Variants in LONRF3 observed in about 807,000 individuals in gnomAD.
The protein encoded by LONRF3 is LON peptidase N-terminal domain and RING finger protein 3.
A neutral mutation model predicts 51.7 loss-of-function variants in LONRF3; 19 were observed. The observed-to-expected ratio is 0.37, with a 90% CI of 0.26 to 0.54. LONRF3 has a LOEUF of 0.54. Ranked by LOEUF, LONRF3 falls within the 20% of genes least tolerant of loss-of-function variation. LONRF3 has a pLI of 0.86. For synonymous variants in LONRF3, 265 were observed against 257.8 expected (o/e 1.03, Z -0.27); for missense variants, 521 against 623.9 (o/e 0.84, Z 1.76).
chrX:118,974,766 C>G lies in LONRF3; in HGVS notation c.-15C>G. On this transcript the variant is annotated 5_prime_UTR_variant, in exon 1 of 11. Coordinates refer to ENST00000371628, the MANE Select transcript of LONRF3 (RefSeq NM_001031855.3). ...GGTCCCTAGACGCCTCGTCTCCTCC[C>G]GTGTCCCTCTTCCCATGGAGTCAGT... The G allele has an allele frequency of 8.5e-7, 1 of 1,173,060 alleles. No individual in the cohort carries two copies. Among genetic ancestry groups the G allele is most frequent in the Non-Finnish European group, 1.1e-6 (1 of 872,830 alleles).
intron 7 of LONRF3, 30 bp downstream of exon 7, chrX:119,009,277 C>G (rs1462849448): frequency 1.7e-6 from 2 of 1,168,783 alleles, no homozygotes; most frequent in Non-Finnish European, 2.3e-6. Context: ...TGTTTTGTTT[C>G]ACTCATACCA....
chrX:119,017,903 T>C lies in LONRF3; in HGVS notation c.*213T>C. 1 of 317,119 alleles carries C rather than the reference T, an allele frequency of 3.2e-6. No homozygotes were observed. Among genetic ancestry groups the C allele is most frequent in the Non-Finnish European group, 5.4e-6 (1 of 185,124 alleles). The allele number at this position is 317,119 out of a possible 1,213,427, so 26.1% of individuals were successfully genotyped here. A position where few individuals can be genotyped will look rare whatever the true frequency, so the allele number is the denominator to read the frequency against. On this transcript the variant is annotated 3_prime_UTR_variant, in exon 11 of 11. Coordinates refer to ENST00000371628, the MANE Select transcript of LONRF3 (RefSeq NM_001031855.3). Reference sequence around the variant, plus strand: ...TGTCTTAAGATGCTTCTTGACATGCTGCATAACTACATAAACAGCAGAGGT... The same window carrying C: ...TGTCTTAAGATGCTTCTTGACATGCCGCATAACTACATAAACAGCAGAGGT...
At chrX:119,008,801 C>A (rs1462348200) in intron 6 of LONRF3, among the ~76,000 whole-genome samples, 5 of 111,267 alleles carry the variant, frequency 4.5e-5, no homozygotes, top group Admixed American at 3.8e-4. Flanking sequence ...AGAATTCCCC[C>A]CACCCTACTT....
intron 5 of LONRF3, among the ~76,000 whole-genome samples, chrX:119,005,601 A>G (rs1924651943): frequency 2.7e-5 from 3 of 112,284 alleles, no homozygotes; most frequent in South Asian, 7.3e-4. Context: ...CAATTTTGAT[A>G]TCCTTCAGGC....
chrX:119,015,280 G>A (rs1925364406), intron 10 of LONRF3, among the ~76,000 whole-genome samples: 1 of 111,866 alleles, frequency 8.9e-6, no homozygotes, highest in Admixed American at 9.5e-5. Flanking sequence ...CTGACCAAAA[G>A]TCTGGTCCTG....
chrX:119,003,408 A>G (rs1237633665), intron 5 of LONRF3, among the ~76,000 whole-genome samples: 1 of 111,943 alleles, frequency 8.9e-6, no homozygotes, highest in African/African-American at 3.2e-5. Context: ...TGCGAATGAT[A>G]TGAGAGATGA....
intron 3 of LONRF3, among the ~76,000 whole-genome samples, chrX:118,987,485 G>A (rs1273512771): frequency 4.2e-5 from 3 of 70,819 alleles, no homozygotes; most frequent in African/African-American, 1.6e-4. Context: ...TAGAGACGGG[G>A]TTTCACCATT....
At chrX:118,989,984 C>T (rs1423330945) in intron 4 of LONRF3, among the ~76,000 whole-genome samples, 1 of 112,384 alleles carries the variant, frequency 8.9e-6, no homozygotes, top group Admixed American at 9.4e-5. Context: ...AGGTCAGCCT[C>T]TTGCTACCCC....
chrX:118,989,758 G>A, intron 4 of LONRF3, 86 bp downstream of exon 4: 1 of 999,035 alleles, frequency 1.0e-6, no homozygotes, highest in South Asian at 2.5e-5. Context: ...CTGTCTGGGG[G>A]CTCCTTAGGC....
At chrX:118,983,391 C>T (rs1201906009) in intron 3 of LONRF3, among the ~76,000 whole-genome samples, 2 of 111,819 alleles carry the variant, frequency 1.8e-5, no homozygotes, top group African/African-American at 6.5e-5. Flanking sequence ...TGGGAAGGGA[C>T]GTTGGTGGTC....
intron 3 of LONRF3, among the ~76,000 whole-genome samples, chrX:118,986,165 T>A (rs1603248297): frequency 1.8e-5 from 2 of 109,754 alleles, no homozygotes; most frequent in African/African-American, 3.3e-5. Flanking sequence ...GCAAGCTACA[T>A]TAGAACGCAC....
rs760159423 is a variant in LONRF3 at position 119,013,063 on chromosome X, A to G, written c.1836A>G (p.Leu612=). ...VKGFAEYGCI[L]EIRNVQFFAD... is the part of the protein sequence containing the mutation. Reference sequence around the variant, plus strand: ...GGTTTGCAGAATATGGCTGCATCCTAGAGATCAGAAATGTTCAATTCTTTG... The same window carrying G: ...GGTTTGCAGAATATGGCTGCATCCTGGAGATCAGAAATGTTCAATTCTTTG... Residue 612 remains leucine (L), a synonymous_variant, in exon 9 of 11, where the codon CTA becomes CTG. Coordinates refer to ENST00000371628, the MANE Select transcript of LONRF3 (RefSeq NM_001031855.3). 1 of 1,211,600 alleles carries G rather than the reference A, an allele frequency of 8.3e-7. No homozygotes were observed. Among genetic ancestry groups the G allele is most frequent in the Admixed American group, 2.2e-5 (1 of 46,058 alleles).
At position 118,982,877 on chromosome X, in the gene LONRF3, A is replaced by G; in HGVS notation, c.993A>G (p.Leu331=). Residue 331 remains leucine, a synonymous_variant, in exon 3 of 11, where the codon CTA becomes CTG. Coordinates refer to ENST00000371628, the MANE Select transcript of LONRF3 (RefSeq NM_001031855.3). Reference sequence around the variant, plus strand: ...CCCTAGGCAAGGTGGAGGAGGCACTAAGGGAGTTTCTCTACTGTGTATCCC... The same window carrying G: ...CCCTAGGCAAGGTGGAGGAGGCACTGAGGGAGTTTCTCTACTGTGTATCCC... ...LATLGKVEEA[L]REFLYCVSLD... 1 of 1,210,608 alleles carries G rather than the reference A, an allele frequency of 8.3e-7. No homozygotes were observed. Among genetic ancestry groups the G allele is most frequent in the Non-Finnish European group, 1.1e-6 (1 of 894,456 alleles).
Position 119,017,779 on chromosome X carries a change from T to C in LONRF3, c.*89T>C. On this transcript the variant is annotated 3_prime_UTR_variant, in exon 11 of 11. Transcript: ENST00000371628. ...AATATATCTAATTGCAATAATATCT[T>C]AACAGAAGGGGGTGTCAAACAGAGG... The C allele has an allele frequency of 2.3e-6, 2 of 884,895 alleles. No homozygotes were observed. The highest frequency in any genetic ancestry group is 6.1e-5 in the South Asian group (2 of 32,891). The allele number at this position is 884,895 out of a possible 1,213,427, so 72.9% of individuals were successfully genotyped here. A position where few individuals can be genotyped will look rare whatever the true frequency, so the allele number is the denominator to read the frequency against.
At position 118,974,733 on chromosome X, in the gene LONRF3, G is replaced by C; in HGVS notation, c.-48G>C. 1 of 1,054,288 alleles carries C rather than the reference G, an allele frequency of 9.5e-7. No individual in the cohort carries two copies. The highest frequency in any genetic ancestry group is 1.3e-6 in the Non-Finnish European group (1 of 791,662). 86.9% of individuals were successfully genotyped at this position (1,054,288 alleles called of 1,213,427 possible). A position where few individuals can be genotyped will look rare whatever the true frequency, so the allele number is the denominator to read the frequency against. Reference sequence around the variant, plus strand: ...TCCTCCAGCTGCCACTCCTTGCTTCGTGTCCCCGGTCCCTAGACGCCTCGT... The same window carrying C: ...TCCTCCAGCTGCCACTCCTTGCTTCCTGTCCCCGGTCCCTAGACGCCTCGT... On this transcript the variant is annotated 5_prime_UTR_variant, in exon 1 of 11. Coordinates refer to ENST00000371628, the MANE Select transcript of LONRF3 (RefSeq NM_001031855.3).
At position 118,975,131 on chromosome X, in the gene LONRF3, A is replaced by T; in HGVS notation, c.351A>T (p.Gln117His). Reference protein sequence around the residue: ...LVRCLAEKVPQGEALAPAPPD... With the variant: ...LVRCLAEKVPHGEALAPAPPD... Reference sequence around the variant, plus strand: ...GCTGCCTGGCGGAGAAAGTCCCGCAAGGCGAGGCGCTGGCGCCGGCGCCCC... The same window carrying T: ...GCTGCCTGGCGGAGAAAGTCCCGCATGGCGAGGCGCTGGCGCCGGCGCCCC... The change falls in exon 1 of 11, where the codon CAA becomes CAT. Residue 117 changes from glutamine to histidine, a missense_variant. Coordinates refer to ENST00000371628, the MANE Select transcript of LONRF3 (RefSeq NM_001031855.3). 8.6e-7 allele frequency: 1 copy of T among 1,169,420 alleles called. No individual in the cohort carries two copies. Among genetic ancestry groups the T allele is most frequent in the Non-Finnish European group, 1.1e-6 (1 of 874,707 alleles).
At chrX:119,001,604 G>T (rs758363401) in intron 5 of LONRF3, among the ~76,000 whole-genome samples, 9 of 111,693 alleles carry the variant, frequency 8.1e-5, no homozygotes, top group African/African-American at 2.0e-4. Flanking sequence ...ATATAGAAAT[G>T]AATTGAGTAT....
At chrX:118,995,441 C>T (rs1314704042) in intron 5 of LONRF3, among the ~76,000 whole-genome samples, 1 of 111,661 alleles carries the variant, frequency 9.0e-6, no homozygotes, top group Non-Finnish European at 1.9e-5. Context: ...ACTAGAGAAA[C>T]AAGAACAAAC....
intron 10 of LONRF3, 31 bp downstream of exon 10, chrX:119,014,387 T>C (rs749876181): frequency 8.4e-7 from 1 of 1,183,672 alleles, no homozygotes; most frequent in East Asian, 3.0e-5. Context: ...TTAAACGGGT[T>C]GTCCCACTAG....
Sources: allele counts gnomAD v4.1 joint callset (sites outside exome capture counted in the v4.1 genomes callset), GRCh38; gene constraint gnomAD v4.1.1; transcripts MANE v1.5; gene names NCBI Gene and HGNC (gene_info 2026-07-23, HGNC 2026-07-21).